The following POLA1 variants were observed in gnomAD, a reference collection of about 807,000 sequenced individuals.
POLA1 encodes DNA polymerase alpha 1, catalytic subunit, also known as DNA polymerase alpha catalytic subunit.
In POLA1, 15 loss-of-function variants were observed where a neutral mutation model predicts 124.0. That is an observed-to-expected ratio of 0.12 (90% CI 0.08 to 0.19). The LOEUF is 0.19. POLA1 is among the 10% of genes least tolerant of loss of function. The probability of loss-of-function intolerance (pLI) is 1.00; values close to 1 mark genes in which losing one functional copy is unlikely to be tolerated. For synonymous variants in POLA1, 408 were observed against 389.4 expected, an observed-to-expected ratio of 1.05 and a Z score of -0.56; for missense variants, 886 against 1,103.4, an observed-to-expected ratio of 0.80 and a Z score of 2.79.
chrX:24,806,060 T>G lies in POLA1; in HGVS notation c.2965-3838T>G, dbSNP rs1334813695. Reference sequence around the variant, plus strand: ...ACATTTATGTGGTATGAGGTTTTTTTTTTTTTTTTTTTTTTTTTTTTTTTT... The same window carrying G: ...ACATTTATGTGGTATGAGGTTTTTTGTTTTTTTTTTTTTTTTTTTTTTTTT... On this transcript the variant is annotated intron_variant, in intron 26 of 36. Coordinates refer to ENST00000379068, the MANE Select transcript of POLA1 (RefSeq NM_001330360.2). Among the ~76,000 whole-genome samples, 4 of 11,095 alleles carry G rather than the reference T, an allele frequency of 3.6e-4. No individual in the cohort carries two copies. In the East Asian group the frequency reaches 7.7e-3, roughly 21 times the overall value. 9.6% of individuals were successfully genotyped at this position (11,095 alleles called of 115,157 possible).
Position 24,699,523 on chromosome X carries a change from A to G in POLA1, c.142A>G (p.Lys48Glu). 8.5e-7 allele frequency: 1 copy of G among 1,178,004 alleles called. No homozygotes were observed. The highest frequency in any genetic ancestry group is 1.1e-6 in the Non-Finnish European group (1 of 876,344). The stretch of plus-strand genomic sequence containing the variant: ...AGCCCTAGAAAGACTGAAAAAGGCT[A>G]AAGCTGGTGAGAAGTATAAATATGA... ...QEALERLKKAKAGEKYKYEVE... is the reference protein window; with the variant it reads ...QEALERLKKAEAGEKYKYEVE... The change falls in exon 2 of 37, where the codon AAA becomes GAA. Residue 48 changes from lysine (K) to glutamate (E), a missense_variant. Around this residue, in one of 7 missense-constraint regions of POLA1, gnomAD observed 49 missense variants for 39.2 expected, o/e 1.25. Transcript: ENST00000379068.
chrX:24,896,485 G>A (rs1569353941), intron 35 of POLA1, among the ~76,000 whole-genome samples: 1 of 110,776 alleles, frequency 9.0e-6, no homozygotes, highest in Non-Finnish European at 1.9e-5. Flanking sequence ...GTTTTGTTTT[G>A]TTTTTTTGCG....
At chrX:24,798,822 A>C (rs1435443877) in intron 26 of POLA1, among the ~76,000 whole-genome samples, 1 of 111,282 alleles carries the variant, frequency 9.0e-6, no homozygotes, top group East Asian at 2.8e-4. Context: ...ATGCCTGAAC[A>C]TGTGTCTACA....
Position 24,920,570 on chromosome X carries a change from C to T in POLA1, c.4165-9883C>T, listed in dbSNP as rs532953159. On this transcript the variant is annotated intron_variant, in intron 35 of 36. Transcript: ENST00000379068. ...TTGAAAATGCATCAATAAAAAGTGG[C>T]ATAATAAAAGGATCAAGGGGCTTGG... Among the ~76,000 whole-genome samples, 5 of 111,855 alleles carry T rather than the reference C, an allele frequency of 4.5e-5. No individual in the cohort carries two copies. The South Asian group carries it at 1.5e-3, about 34-fold the overall frequency.
intron 34 of POLA1, among the ~76,000 whole-genome samples, chrX:24,857,790 A>T (rs2046665175): frequency 8.9e-6 from 1 of 111,920 alleles, no homozygotes; most frequent in Admixed American, 9.5e-5. Flanking sequence ...CCAAGTTTTT[A>T]AAATACCAGC....
intron 36 of POLA1, among the ~76,000 whole-genome samples, chrX:24,977,877 A>C (rs996184129): frequency 9.0e-6 from 1 of 111,230 alleles, no homozygotes; most frequent in Non-Finnish European, 1.9e-5. Flanking sequence ...TCAAGAGAAT[A>C]AGCCTTCTGC....
At chrX:24,896,177 G>A (rs751565391) in intron 35 of POLA1, among the ~76,000 whole-genome samples, 6 of 111,688 alleles carry the variant, frequency 5.4e-5, no homozygotes, top group South Asian at 3.8e-4. Context: ...ATAACTGGGG[G>A]TTGTAGCTGG....
At chrX:24,723,501 C>G (rs1358051629) in intron 11 of POLA1, among the ~76,000 whole-genome samples, 1 of 112,035 alleles carries the variant, frequency 8.9e-6, no homozygotes, top group Non-Finnish European at 1.9e-5. Flanking sequence ...ATAAAAGTTT[C>G]TGAGATTTAG....
At chrX:24,892,694 C>T (rs774040341) in intron 35 of POLA1, among the ~76,000 whole-genome samples, 1 of 112,093 alleles carries the variant, frequency 8.9e-6, no homozygotes, top group Admixed American at 9.5e-5. Flanking sequence ...TTCTCATTAA[C>T]GTATTCATTC....
At chrX:24,812,966 CT>C in intron 29 of POLA1, 103 bp downstream of exon 29, 1 of 407,985 alleles carries the variant, frequency 2.5e-6, no homozygotes, top group Non-Finnish European at 4.3e-6. Flanking sequence ...AAGAACACTT[CT>C]TTGTTATTTT....
chrX:24,868,964 C>T (rs1369921994), intron 34 of POLA1, among the ~76,000 whole-genome samples: 7 of 112,072 alleles, frequency 6.2e-5, no homozygotes, highest in Non-Finnish European at 1.9e-5. Flanking sequence ...TAAGGCAGGT[C>T]TCACTCTGTC....
In POLA1 at chrX:24,860,476, G is replaced by C. The variant is rs2046701793; in HGVS notation, c.4047+16799G>C. 3.5e-5 allele frequency among the ~76,000 whole-genome samples: 4 copies of C among 112,936 alleles called. No individual in the cohort carries two copies. In the Admixed American group the frequency reaches 3.7e-4, roughly 11 times the overall value. ...AGCAGAGAAGGCTCATTATAGAATT[G>C]TATGGCCTTGATTTCAGGGAACCTG... On this transcript the variant is annotated intron_variant, in intron 34 of 36. Coordinates refer to ENST00000379068, the MANE Select transcript of POLA1 (RefSeq NM_001330360.2).
At chrX:24,777,521 T>G (rs780830838) in intron 26 of POLA1, among the ~76,000 whole-genome samples, 31 of 25,541 alleles carry the variant, frequency 1.2e-3, no homozygotes, top group South Asian at 2.3e-3. Flanking sequence ...TTGTATTGTC[T>G]TGTATTAAAA....
At chrX:24,735,288 G>T in intron 17 of POLA1, 111 bp from the exon 18 acceptor site, 1 of 458,962 alleles carries the variant, frequency 2.2e-6, no homozygotes. Context: ...TTTTGAAATG[G>T]ATGGTTTCTT....
At chrX:24,935,411 AC>A (rs758738401) in intron 36 of POLA1, among the ~76,000 whole-genome samples, 11 of 113,051 alleles carry the variant, frequency 9.7e-5, no homozygotes, top group African/African-American at 3.5e-4. Context: ...ATGACAATTT[AC>A]CCATAGGAGA....
intron 34 of POLA1, among the ~76,000 whole-genome samples, chrX:24,859,302 C>G (rs2046687258): frequency 9.0e-6 from 1 of 111,720 alleles, no homozygotes; most frequent in African/African-American, 3.3e-5. Flanking sequence ...GCATTAGGCC[C>G]CAAGCCAGCC....
At chrX:24,938,914 T>C (rs1010223745) in intron 36 of POLA1, among the ~76,000 whole-genome samples, 4 of 112,716 alleles carry the variant, frequency 3.5e-5, no homozygotes, top group African/African-American at 9.7e-5. Context: ...TCAAGATAGC[T>C]AAGTTAGTAT....
intron 36 of POLA1, among the ~76,000 whole-genome samples, chrX:24,984,956 G>A (rs950809209): frequency 3.6e-5 from 4 of 111,104 alleles, no homozygotes; most frequent in Non-Finnish European, 5.7e-5. Context: ...CACCGCACCC[G>A]GCCTGCACTT....
At chrX:24,841,542 A>G in intron 32 of POLA1, 110 bp from the exon 33 acceptor site, 1 of 415,510 alleles carries the variant, frequency 2.4e-6, no homozygotes, top group Non-Finnish European at 4.0e-6. Flanking sequence ...TTGAGTTCAA[A>G]TGGTTGTGTG....
Sources: gnomAD v4.1 joint callset for allele counts (sites outside exome capture counted in the v4.1 genomes callset) on GRCh38, gnomAD v4.1.1 for gene constraint, gnomAD v4.1.1 regional missense constraint, MANE v1.5 for transcripts, NCBI Gene and HGNC (gene_info 2026-07-23, HGNC 2026-07-21) for gene names.